Variants in INHA observed in about 807,000 individuals in gnomAD.
INHA encodes inhibin alpha chain.
INHA carries 8 observed loss-of-function variants against 21.3 expected under a neutral mutation model. That is an observed-to-expected ratio of 0.38 (90% CI 0.22 to 0.68). The LOEUF (loss-of-function observed/expected upper bound fraction) is 0.68, where lower values mean the gene tolerates loss of function less well. INHA is among the 30% of genes least tolerant of loss of function. INHA has a pLI of 0.53. For missense variants in INHA, 436 were observed against 465.8 expected (o/e 0.94, Z 0.59); for synonymous variants, 231 against 207.5 (o/e 1.11, Z -0.97).
At chr2:219,573,957 G>A (rs1465074546) in intron 1 of INHA, among the ~76,000 whole-genome samples, 1 of 138,820 alleles carries the variant, frequency 7.2e-6, no homozygotes, top group East Asian at 2.1e-4. Flanking sequence ...GGGCGACAGA[G>A]CTAGACTCCA....
In INHA at chr2:219,575,415, T is replaced by C. The variant is rs889243557; in HGVS notation, c.990T>C (p.Ala330=). ...LLPGAQPCCA[A]LPGTMRPLHV... ...CAGGGGCCCAGCCCTGCTGTGCTGC[T>C]CTCCCAGGGACCATGAGGCCCCTAC... The change falls in exon 2 of 2, where the codon GCT becomes GCC. Residue 330 remains alanine, a synonymous_variant. Coordinates refer to ENST00000243786, the MANE Select transcript of INHA (RefSeq NM_002191.4). The C allele has an allele frequency of 1.2e-6, 2 of 1,613,768 alleles. No individual in the cohort carries two copies. Among genetic ancestry groups the C allele is most frequent in the African/African-American group, 2.7e-5 (2 of 74,858 alleles).
chr2:219,575,317 C>T lies in INHA; in HGVS notation c.892C>T (p.His298Tyr). ...CTACTGTCATGGTGGTTGTGGGCTG[C>T]ACATCCCACCAAACCTGTCCCTTCC... ...FHYCHGGCGLHIPPNLSLPVP... is the reference protein window; with the variant it reads ...FHYCHGGCGLYIPPNLSLPVP... Residue 298 changes from histidine (H) to tyrosine (Y), a missense_variant, in exon 2 of 2, where the codon CAC becomes TAC. His to Tyr is a moderately conservative substitution (Grantham distance 83, BLOSUM62 2). Coordinates refer to ENST00000243786, the MANE Select transcript of INHA (RefSeq NM_002191.4). 1 of 1,614,206 alleles carries T rather than the reference C, an allele frequency of 6.2e-7. No homozygotes were observed. The highest frequency in any genetic ancestry group is 8.5e-7 in the Non-Finnish European group (1 of 1,180,016).
Position 219,575,232 on chromosome 2 carries a change from C to A in INHA, c.807C>A (p.Ile269=), listed in dbSNP as rs565471809. ...HANCHRVALN[I]SFQELGWERW... is the part of the protein sequence containing the mutation. Reference sequence around the variant, plus strand: ...ACTGCCACAGAGTAGCACTGAACATCTCCTTCCAGGAGCTGGGCTGGGAAC... The same window carrying A: ...ACTGCCACAGAGTAGCACTGAACATATCCTTCCAGGAGCTGGGCTGGGAAC... Residue 269 remains isoleucine, a synonymous_variant, in exon 2 of 2, where the codon ATC becomes ATA. Transcript: ENST00000243786. 1 of 1,614,262 alleles carries A rather than the reference C, an allele frequency of 6.2e-7. No homozygotes were observed. Among genetic ancestry groups the A allele is most frequent in the African/African-American group, 1.3e-5 (1 of 75,068 alleles).
rs776787018 is a variant in INHA, at chr2:219,572,648, G to A, written c.268+6G>A. ...CATCCTTTTCCCAGCCACAGGTAAC[G>A]AGGGTGGGGGAACCGGCAGGATGAC... is the stretch of plus-strand genomic sequence containing the variant. On this transcript the variant is annotated splice_donor_region_variant and intron_variant, in intron 1 of 1. Transcript: ENST00000243786. The A allele has an allele frequency of 9.7e-6, 15 of 1,551,346 alleles. No individual in the cohort carries two copies. Among genetic ancestry groups the A allele is most frequent in the Middle Eastern group, 1.7e-4 (1 of 6,010 alleles).
intron 1 of INHA, among the ~76,000 whole-genome samples, chr2:219,574,330 G>A (rs2106127828): frequency 6.6e-6 from 1 of 151,804 alleles, no homozygotes; most frequent in South Asian, 2.1e-4. Flanking sequence ...ACACCATTCA[G>A]GATACTGTTT....
rs766680434 is a variant in INHA, at chr2:219,572,506, C to A, written c.132C>A (p.Pro44=). Residue 44 remains proline (P), a synonymous_variant, in exon 1 of 2, where the codon CCC becomes CCA. Coordinates refer to ENST00000243786, the MANE Select transcript of INHA (RefSeq NM_002191.4). ...RALFLDALGP[P]AVTREGGDPG... is the part of the protein sequence containing the mutation. ...TGTTCTTGGATGCCTTGGGGCCCCC[C>A]GCGGTGACCAGGGAAGGTGGGGACC... The A allele has an allele frequency of 5.6e-6, 9 of 1,609,692 alleles. No individual in the cohort carries two copies. The highest frequency in any genetic ancestry group is 6.8e-6 in the Non-Finnish European group (8 of 1,177,946).
rs770683639 is a variant in INHA, at chr2:219,575,457, G to A, written c.1032G>A (p.Ser344=). Residue 344 remains serine (S), a synonymous_variant, in exon 2 of 2, where the codon TCG becomes TCA. Coordinates refer to ENST00000243786, the MANE Select transcript of INHA (RefSeq NM_002191.4). ...TMRPLHVRTT[S]DGGYSFKYET... is the part of the protein sequence containing the mutation. ...GGCCCCTACATGTCCGCACCACCTC[G>A]GATGGAGGTTACTCTTTCAAGTATG... 37 of 1,613,874 alleles carry A rather than the reference G, an allele frequency of 2.3e-5. No homozygotes were observed. The South Asian group carries it at 2.6e-4, about 11-fold the overall frequency.
At position 219,574,744 on chromosome 2, in the gene INHA, G is replaced by A; in HGVS notation, c.319G>A (p.Glu107Lys). 6.2e-7 allele frequency: 1 copy of A among 1,614,038 alleles called. No homozygotes were observed. The highest frequency in any genetic ancestry group is 8.5e-7 in the Non-Finnish European group (1 of 1,179,978). ...TGCCAGAGGGCTGGCCCAGGAGGCT[G>A]AGGAGGGCCTCTTCAGATACATGTT... Reference protein sequence around the residue: ...SAARGLAQEAEEGLFRYMFRP... With the variant: ...SAARGLAQEAKEGLFRYMFRP... The change falls in exon 2 of 2, where the codon GAG becomes AAG. Residue 107 changes from glutamate (E) to lysine (K), a missense_variant. Glu to Lys is a moderately conservative substitution (Grantham distance 56). Transcript: ENST00000243786.
chr2:219,572,585 G>A lies in INHA; in HGVS notation c.211G>A (p.Gly71Ser), dbSNP rs1368984705. The A allele has an allele frequency of 1.3e-6, 2 of 1,556,842 alleles. No homozygotes were observed. The highest frequency in any genetic ancestry group is 1.7e-6 in the Non-Finnish European group (2 of 1,149,880). The change falls in exon 1 of 2, where the codon GGC becomes AGC. Residue 71 changes from glycine (G) to serine (S), a missense_variant. Transcript: ENST00000243786. ...TGCCCTGGGGGGCTTCACACACAGG[G>A]GCTCTGAGCCCGAGGAAGAGGAGGA... The part of the protein sequence containing the change: ...RHALGGFTHR[G>S]SEPEEEEDVS...
At position 219,574,998 on chromosome 2, in the gene INHA, C is replaced by A. The variant is rs772191459; in HGVS notation, c.573C>A (p.His191Gln). 5.0e-6 allele frequency: 8 copies of A among 1,613,256 alleles called. No individual in the cohort carries two copies. The highest frequency in any genetic ancestry group is 5.1e-6 in the Non-Finnish European group (6 of 1,180,046). Reference protein sequence around the residue: ...LATSALSLLTHPVLVLLLRCP... With the variant: ...LATSALSLLTQPVLVLLLRCP... ...CCTCTGCTCTCTCTCTGCTGACCCA[C>A]CCCGTCCTGGTGCTGCTGCTGCGCT... The change falls in exon 2 of 2, where the codon CAC becomes CAA. Residue 191 changes from histidine to glutamine, a missense_variant. Transcript: ENST00000243786.
intron 1 of INHA, 96 bp from the exon 2 acceptor site, chr2:219,574,598 C>A: frequency 9.6e-7 from 1 of 1,043,214 alleles, no homozygotes; most frequent in Non-Finnish European, 1.4e-6. Flanking sequence ...CCATCATTGG[C>A]TCATGACTGG....
In INHA at chr2:219,574,790, G is replaced by T; in HGVS notation, c.365G>T (p.Arg122Leu). 1 of 1,614,092 alleles carries T rather than the reference G, an allele frequency of 6.2e-7. No homozygotes were observed. The highest frequency in any genetic ancestry group is 8.5e-7 in the Non-Finnish European group (1 of 1,180,010). ...RYMFRPSQHT[R>L]SRQVTSAQLW... ...ATGTTCCGGCCATCCCAGCATACAC[G>T]CAGCCGCCAGGTGACTTCAGCCCAG... The change falls in exon 2 of 2, where the codon CGC becomes CTC. Residue 122 changes from arginine (R) to leucine (L), a missense_variant. Coordinates refer to ENST00000243786, the MANE Select transcript of INHA (RefSeq NM_002191.4).
intron 1 of INHA, among the ~76,000 whole-genome samples, chr2:219,573,343 A>G (rs1206086959): frequency 6.6e-6 from 1 of 152,224 alleles, no homozygotes; most frequent in Non-Finnish European, 1.5e-5. Flanking sequence ...TATCTGCAAA[A>G]TGGACCAATT....
rs766113595 is a variant in INHA, at chr2:219,572,333, G to T, written c.-42G>T. On this transcript the variant is annotated 5_prime_UTR_variant, in exon 1 of 2. Transcript: ENST00000243786. The stretch of plus-strand genomic sequence containing the variant: ...GGGCAGACCCTGGCAGAAGGGGCAC[G>T]GGGCAGGGTGTGAGTTCCCCACTAG... 1 of 1,613,040 alleles carries T rather than the reference G, an allele frequency of 6.2e-7. No individual in the cohort carries two copies. Among genetic ancestry groups the T allele is most frequent in the Non-Finnish European group, 8.5e-7 (1 of 1,179,976 alleles).
chr2:219,572,552 C>G lies in INHA; in HGVS notation c.178C>G (p.Arg60Gly), dbSNP rs980893896. The change falls in exon 1 of 2, where the codon CGA (arginine) becomes GGA (glycine). Residue 60 changes from arginine to glycine, a missense_variant. Coordinates refer to ENST00000243786, the MANE Select transcript of INHA (RefSeq NM_002191.4). ...GGACCCTGGAGTCAGGCGGCTGCCCCGAAGACATGCCCTGGGGGGCTTCAC... is the reference window on the plus strand; with the variant it reads ...GGACCCTGGAGTCAGGCGGCTGCCCGGAAGACATGCCCTGGGGGGCTTCAC... ...GGDPGVRRLP[R>G]RHALGGFTHR... 1.3e-6 allele frequency: 2 copies of G among 1,573,446 alleles called. No homozygotes were observed. The highest frequency in any genetic ancestry group is 8.6e-7 in the Non-Finnish European group (1 of 1,158,832).
rs1697501164 is a variant in INHA, at chr2:219,575,304, T to C, written c.879T>C (p.Gly293=). ...GTTTCATCTTCCACTACTGTCATGG[T>C]GGTTGTGGGCTGCACATCCCACCAA... ...PPSFIFHYCH[G]GCGLHIPPNL... is the part of the protein sequence containing the mutation. Residue 293 remains glycine, a synonymous_variant, in exon 2 of 2, where the codon GGT becomes GGC. Transcript: ENST00000243786. 1 of 1,614,096 alleles carries C rather than the reference T, an allele frequency of 6.2e-7. No homozygotes were observed. The highest frequency in any genetic ancestry group is 1.3e-5 in the African/African-American group (1 of 74,948).
At chr2:219,574,477 C>T (rs1187419962) in intron 1 of INHA, among the ~76,000 whole-genome samples, 1 of 152,190 alleles carries the variant, frequency 6.6e-6, no homozygotes, top group Admixed American at 6.5e-5. Context: ...GCAATGTCTT[C>T]TATTTTTTTA....
chr2:219,575,500 C>G lies in INHA; in HGVS notation c.1075C>G (p.Leu359Val), dbSNP rs1415561434. 1.2e-6 allele frequency: 2 copies of G among 1,613,612 alleles called. No homozygotes were observed. The highest frequency in any genetic ancestry group is 4.5e-5 in the East Asian group (2 of 44,882). ...CAAGTATGAGACAGTGCCCAACCTT[C>G]TCACGCAGCACTGTGCTTGTATCTA... ...SFKYETVPNL[L>V]TQHCACI Residue 359 changes from leucine (L) to valine (V), a missense_variant, in exon 2 of 2, where the codon CTC (leucine) becomes GTC (valine). Leu to Val is a conservative substitution (Grantham distance 32, BLOSUM62 1). Coordinates refer to ENST00000243786, the MANE Select transcript of INHA (RefSeq NM_002191.4).
Position 219,575,563 on chromosome 2 carries a change from G to A in INHA, c.*37G>A, listed in dbSNP as rs549853381. On this transcript the variant is annotated 3_prime_UTR_variant, in exon 2 of 2. Transcript: ENST00000243786. ...CTTCCTTCTTAATCCCATGGCTGGT[G>A]GCCACGCCCCCACCATCATCAGCTG... is the stretch of plus-strand genomic sequence containing the variant. The A allele has an allele frequency of 4.9e-5, 75 of 1,522,404 alleles. No individual in the cohort carries two copies. The highest frequency in any genetic ancestry group is 6.2e-5 in the Non-Finnish European group (68 of 1,100,488). The allele number at this position is 1,522,404 out of a possible 1,614,324, so 94.3% of individuals were successfully genotyped here.
Sources: allele counts gnomAD v4.1 joint callset (sites outside exome capture counted in the v4.1 genomes callset), GRCh38; gene constraint gnomAD v4.1.1; transcripts MANE v1.5; gene names NCBI Gene and HGNC (gene_info 2026-07-23, HGNC 2026-07-21).